Variants in TIAM1 observed in about 807,000 individuals in gnomAD.
TIAM1 encodes TIAM Rac1 associated GEF 1, also known as rho guanine nucleotide exchange factor TIAM1.
A neutral mutation model predicts 163.5 loss-of-function variants in TIAM1; 65 were observed. That is an observed-to-expected ratio of 0.40 (90% CI 0.33 to 0.49). The LOEUF (loss-of-function observed/expected upper bound fraction) is 0.49. TIAM1 is among the 20% of genes least tolerant of loss of function. The pLI, the probability that TIAM1 is intolerant of heterozygous loss-of-function variation, is 0.77. For missense variants in TIAM1, 1,789 were observed against 2,044.7 expected (o/e 0.87, Z 2.41); for synonymous variants, 833 against 810.1 (o/e 1.03, Z -0.48).
At chr21:31,198,135 G>C (rs2085980558) in intron 12 of TIAM1, among the ~76,000 whole-genome samples, 1 of 152,208 alleles carries the variant, frequency 6.6e-6, no homozygotes, top group Admixed American at 6.5e-5. Context: ...GCACTAAAGA[G>C]AAGTCTTGAT....
intron 1 of TIAM1, among the ~76,000 whole-genome samples, chr21:31,522,079 A>G (rs576397803): frequency 2.6e-5 from 4 of 151,594 alleles, no homozygotes; most frequent in Non-Finnish European, 2.9e-5. Context: ...CACCATGTTA[A>G]CCAGGATGGT....
chr21:31,255,893 C>G (rs557779616), intron 4 of TIAM1, among the ~76,000 whole-genome samples: 167 of 152,304 alleles, frequency 1.1e-3, no homozygotes, highest in African/African-American at 3.8e-3. Flanking sequence ...ATCCTGTTCT[C>G]CCAGGACAAA....
At chr21:31,126,917 C>T in intron 26 of TIAM1, 148 bp downstream of exon 26, 1 of 700,090 alleles carries the variant, frequency 1.4e-6, no homozygotes, top group East Asian at 2.8e-5. Flanking sequence ...AAGCTGTCAG[C>T]TCCTCCCAGC....
At chr21:31,319,490 A>G (rs2075238032) in intron 2 of TIAM1, among the ~76,000 whole-genome samples, 1 of 152,142 alleles carries the variant, frequency 6.6e-6, no homozygotes, top group Admixed American at 6.5e-5. Context: ...AAAAATTACT[A>G]TAACCTGGCC....
At chr21:31,353,325 C>T (rs1173033472) in intron 2 of TIAM1, among the ~76,000 whole-genome samples, 2 of 152,194 alleles carry the variant, frequency 1.3e-5, no homozygotes, top group South Asian at 2.1e-4. Context: ...GCAGTTAAGA[C>T]GTAAGCAGGG....
intron 23 of TIAM1, among the ~76,000 whole-genome samples, chr21:31,134,119 C>T (rs187127732): frequency 2.3e-4 from 35 of 152,158 alleles, no homozygotes; most frequent in Non-Finnish European, 1.3e-4. Flanking sequence ...AGTTTGCCAA[C>T]CCATTTTCTC....
At position 31,251,593 on chromosome 21, in the gene TIAM1, TCTTA is replaced by T. The variant is rs1270379179; in HGVS notation, c.1411+145_1411+148del. On this transcript the variant is annotated intron_variant, in intron 5 of 27. Coordinates refer to ENST00000541036, the MANE Select transcript of TIAM1 (RefSeq NM_001353694.2). Reference sequence around the variant, plus strand: ...AGAGGGTAGATTTCATGCGAAGTGCTCTTACTATGATAAATGTTTTAAATTAGTA... The same window carrying T: ...AGAGGGTAGATTTCATGCGAAGTGCTCTATGATAAATGTTTTAAATTAGTA... The T allele has an allele frequency of 6.0e-6, 5 of 827,266 alleles. No homozygotes were observed. The East Asian group carries it at 8.1e-5, about 13-fold the overall frequency. The allele number at this position is 827,266 out of a possible 1,614,324, so 51.2% of individuals were successfully genotyped here.
chr21:31,503,704 C>A (rs1602437632), intron 1 of TIAM1, among the ~76,000 whole-genome samples: 2 of 149,852 alleles, frequency 1.3e-5, no homozygotes, highest in Admixed American at 6.7e-5. Context: ...GTGCATCCTG[C>A]ATGAAAACAG....
chr21:31,344,576 C>T (rs2076110191), upstream of TIAM1, among the ~76,000 whole-genome samples: 1 of 152,118 alleles, frequency 6.6e-6, no homozygotes, highest in Admixed American at 6.6e-5. Context: ...ATATAAAAGG[C>T]CAGCAATGTT....
intron 2 of TIAM1, among the ~76,000 whole-genome samples, chr21:31,298,787 A>G (rs929199467): frequency 2.3e-5 from 3 of 132,932 alleles, no homozygotes; most frequent in Non-Finnish European, 4.7e-5. Flanking sequence ...AGAGAGAGAG[A>G]AAAAAAAACA....
At chr21:31,264,657 T>C (rs1007628149) in intron 4 of TIAM1, among the ~76,000 whole-genome samples, 3 of 152,138 alleles carry the variant, frequency 2.0e-5, no homozygotes, top group Non-Finnish European at 4.4e-5. Context: ...GCCGATTTTC[T>C]TTTTCTCGGC....
chr21:31,252,990 G>A (rs1370877620), intron 4 of TIAM1, among the ~76,000 whole-genome samples: 1 of 152,254 alleles, frequency 6.6e-6, no homozygotes, highest in African/African-American at 2.4e-5. Flanking sequence ...GATACTGAGG[G>A]TATCAGTTCC....
chr21:31,437,902 G>A (rs909721222), intron 2 of TIAM1, among the ~76,000 whole-genome samples: 2 of 152,144 alleles, frequency 1.3e-5, no homozygotes, highest in African/African-American at 2.4e-5. Context: ...TGTGAGAACA[G>A]ACTAATACGT....
chr21:31,283,053 G>A (rs2073640497), intron 2 of TIAM1, among the ~76,000 whole-genome samples: 1 of 152,208 alleles, frequency 6.6e-6, no homozygotes, highest in Admixed American at 6.5e-5. Context: ...AGCCAGGACA[G>A]ACATTACCAT....
At chr21:31,270,885 CCTCTGCCTAGAACG>C (rs2073027282) in intron 3 of TIAM1, among the ~76,000 whole-genome samples, 1 of 152,150 alleles carries the variant, frequency 6.6e-6, no homozygotes, top group Non-Finnish European at 1.5e-5. Flanking sequence ...TGTGCCTGTC[CCTCTGCCTAGAACG>C]CTCTGCCTTT....
intron 2 of TIAM1, among the ~76,000 whole-genome samples, chr21:31,315,318 T>G (rs979870354): frequency 2.6e-5 from 4 of 151,688 alleles, no homozygotes; most frequent in African/African-American, 9.7e-5. Context: ...ATCGAGACCA[T>G]CCTGGCTAAC....
At chr21:31,203,605 C>T (rs548241437) in intron 11 of TIAM1, among the ~76,000 whole-genome samples, 57 of 152,312 alleles carry the variant, frequency 3.7e-4, no homozygotes, top group Non-Finnish European at 7.4e-4. Context: ...ATTCATTGTG[C>T]TCTCTAACAC....
In TIAM1 at chr21:31,464,288, T is replaced by C. The variant is rs369207859; in HGVS notation, c.-421-253A>G. Among the ~76,000 whole-genome samples, 21 of 152,330 alleles carry C rather than the reference T, an allele frequency of 1.4e-4. No homozygotes were observed. In the South Asian group the frequency reaches 4.4e-3, roughly 32 times the overall value. ...CAGAGTCAACCCCGGCACATCACCC[T>C]AACAGCCTTCTACAGTAACAATATT... On this transcript the variant is annotated intron_variant, in intron 1 of 28. Transcript: ENST00000286827.
rs780748869 is a variant in TIAM1 at position 31,465,604 on chromosome 21, C to T, written c.-421-1569G>A. ...TTTTTTTTTTGAGACGGAGTCTCGC[C>T]CTGTTACCCAGGCTGGAGTGCAGTG... On this transcript the variant is annotated intron_variant, in intron 1 of 28. Transcript: ENST00000286827. Among the ~76,000 whole-genome samples, 689 of 151,530 alleles carry T rather than the reference C, an allele frequency of 4.5e-3. 1 individual carries two copies. The highest frequency in any genetic ancestry group is 0.024 in the Middle Eastern group (7 of 292).
Sources: gnomAD v4.1 joint callset for allele counts (sites outside exome capture counted in the v4.1 genomes callset) on GRCh38, gnomAD v4.1.1 for gene constraint, MANE v1.5 for transcripts, NCBI Gene and HGNC (gene_info 2026-07-23, HGNC 2026-07-21) for gene names.